The following ARHGAP20 variants were observed in gnomAD, a reference collection of about 807,000 sequenced individuals.
The protein encoded by ARHGAP20 is Rho GTPase activating protein 20.
In ARHGAP20, 34 loss-of-function variants were observed where a neutral mutation model predicts 73.7. The observed-to-expected ratio is 0.46, with a 90% CI of 0.35 to 0.61. ARHGAP20 has a LOEUF of 0.61. Ranked by LOEUF, ARHGAP20 falls within the 20% of genes least tolerant of loss-of-function variation. The pLI is 0.00. For synonymous variants in ARHGAP20, 523 were observed against 518.2 expected (o/e 1.01, Z -0.13); for missense variants, 1,314 against 1,420.9 (o/e 0.92, Z 1.21).
intron 9 of ARHGAP20, among the ~76,000 whole-genome samples, chr11:110,594,234 A>G (rs1947897465): frequency 6.6e-6 from 1 of 152,158 alleles, no homozygotes; most frequent in African/African-American, 2.4e-5. Context: ...AATACAGCAA[A>G]TGCATCATCA....
chr11:110,678,062 A>G (rs7938499), intron 2 of ARHGAP20, among the ~76,000 whole-genome samples: 19,484 of 152,250 alleles, frequency 0.13, 2,023 homozygotes, highest in African/African-American at 0.29. Flanking sequence ...ATGCTACAAC[A>G]TGGATGAACC....
chr11:110,711,947 C>A, intron 1 of ARHGAP20, 180 bp downstream of exon 1: 3 of 1,251,658 alleles, frequency 2.4e-6, no homozygotes, highest in Non-Finnish European at 3.0e-6. Context: ...GAGGCGGCGG[C>A]GCTGCCGCTG....
rs1947361566 is a variant in ARHGAP20 at position 110,579,081 on chromosome 11, A to C, written c.*289T>G. 7 of 1,042,490 alleles carry C rather than the reference A, an allele frequency of 6.7e-6. No individual in the cohort carries two copies. Among genetic ancestry groups the C allele is most frequent in the South Asian group, 8.0e-5 (2 of 25,136 alleles). 64.6% of individuals were successfully genotyped at this position (1,042,490 alleles called of 1,614,324 possible). A position where few individuals can be genotyped will look rare whatever the true frequency, so the allele number is the denominator to read the frequency against. Reference sequence around the variant, plus strand: ...CTGTTCCCATAAGTGCTTCCTCTGCAGAAGATGCTTTCTCTAGCCCTCTGT... The same window carrying C: ...CTGTTCCCATAAGTGCTTCCTCTGCCGAAGATGCTTTCTCTAGCCCTCTGT... On this transcript the variant is annotated 3_prime_UTR_variant, in exon 15 of 15. Transcript: ENST00000683387.
At chr11:110,704,830 G>A (rs1277201682) in intron 1 of ARHGAP20, among the ~76,000 whole-genome samples, 3 of 152,050 alleles carry the variant, frequency 2.0e-5, no homozygotes, top group East Asian at 1.9e-4. Flanking sequence ...CAGAACAGGC[G>A]AGCAACTTTC....
intron 9 of ARHGAP20, among the ~76,000 whole-genome samples, chr11:110,601,862 C>T (rs965469166): frequency 4.0e-5 from 6 of 151,812 alleles, no homozygotes; most frequent in South Asian, 4.2e-4. Flanking sequence ...TGGTGGCAGG[C>T]GCCTGTAATC....
intron 9 of ARHGAP20, among the ~76,000 whole-genome samples, chr11:110,605,654 A>G (rs76960685): frequency 2.0e-3 from 307 of 152,342 alleles, no homozygotes; most frequent in Non-Finnish European, 3.6e-3. Context: ...CATTAATGCT[A>G]TGTCAGTTGA....
At chr11:110,588,170 T>A (rs1373520459) in intron 11 of ARHGAP20, among the ~76,000 whole-genome samples, 5 of 152,150 alleles carry the variant, frequency 3.3e-5, no homozygotes, top group Non-Finnish European at 5.9e-5. Flanking sequence ...ACCACCATCA[T>A]CACAGCTGAG....
Position 110,580,562 on chromosome 11 carries a change from T to G in ARHGAP20, c.2384A>C (p.Lys795Thr). ...CACAGAAATGGCCACTGGCTTAGAC[T>G]TAGGGAAAAGTTTCACGTGATTTCC... is the stretch of plus-strand genomic sequence containing the variant. ...SEGNHVKLFPKSKPVAISVAS... is the reference protein window; with the variant it reads ...SEGNHVKLFPTSKPVAISVAS... The change falls in exon 15 of 15, where the codon AAG becomes ACG. Residue 795 changes from lysine to threonine, a missense_variant. Lys to Thr is a moderately conservative substitution (Grantham distance 78). Coordinates refer to ENST00000683387, the MANE Select transcript of ARHGAP20 (RefSeq NM_001384657.1). The G allele has an allele frequency of 6.2e-7, 1 of 1,614,248 alleles. No individual in the cohort carries two copies. Among genetic ancestry groups the G allele is most frequent in the Non-Finnish European group, 8.5e-7 (1 of 1,180,048 alleles).
intron 2 of ARHGAP20, among the ~76,000 whole-genome samples, chr11:110,679,427 T>A (rs1949994879): frequency 6.6e-6 from 1 of 152,116 alleles, no homozygotes; most frequent in South Asian, 2.1e-4. Flanking sequence ...AACGACATGA[T>A]AACAAGTAGA....
At chr11:110,622,065 T>C (rs1948640772) in intron 4 of ARHGAP20, among the ~76,000 whole-genome samples, 1 of 152,224 alleles carries the variant, frequency 6.6e-6, no homozygotes. Flanking sequence ...TTGGAGCTTC[T>C]CTTCTCTGCT....
At chr11:110,710,778 G>C (rs1223776583) in intron 1 of ARHGAP20, among the ~76,000 whole-genome samples, 2 of 152,106 alleles carry the variant, frequency 1.3e-5, no homozygotes, top group Non-Finnish European at 2.9e-5. Flanking sequence ...TTCTATACTC[G>C]GCACACCGAT....
intron 2 of ARHGAP20, among the ~76,000 whole-genome samples, chr11:110,682,204 G>A (rs182506344): frequency 6.6e-6 from 1 of 152,242 alleles, no homozygotes; most frequent in Non-Finnish European, 1.5e-5. Context: ...TCTTCAAAGA[G>A]TCTCTCTATG....
intron 13 of ARHGAP20, 144 bp downstream of exon 13, chr11:110,583,404 T>A (rs1947527456): frequency 1.4e-6 from 1 of 698,658 alleles, no homozygotes; most frequent in Admixed American, 3.3e-5. Context: ...CAATTCACTT[T>A]CCTATAGTCT....
chr11:110,665,654 T>G (rs568252123), intron 2 of ARHGAP20, among the ~76,000 whole-genome samples: 11 of 152,242 alleles, frequency 7.2e-5, no homozygotes, highest in South Asian at 6.2e-4. Context: ...ACAGAGTGCC[T>G]TGAGAAAAGA....
intron 2 of ARHGAP20, among the ~76,000 whole-genome samples, chr11:110,660,911 G>A (rs1949596335): frequency 6.6e-6 from 1 of 152,040 alleles, no homozygotes; most frequent in Admixed American, 6.6e-5. Context: ...GTAACCTTAG[G>A]CATCCAATCT....
intron 2 of ARHGAP20, among the ~76,000 whole-genome samples, chr11:110,635,371 GC>G (rs1211963953): frequency 1.3e-5 from 2 of 152,102 alleles, no homozygotes; most frequent in Non-Finnish European, 2.9e-5. Flanking sequence ...AGTTTAACAA[GC>G]CAGTCAGGTG....
At chr11:110,583,382 T>C (rs1947526554) in intron 13 of ARHGAP20, among the ~76,000 whole-genome samples, 166 bp downstream of exon 13, 1 of 152,226 alleles carries the variant, frequency 6.6e-6, no homozygotes, top group East Asian at 1.9e-4. Flanking sequence ...TCTGCTATCA[T>C]TTTCTACTTA....
intron 2 of ARHGAP20, among the ~76,000 whole-genome samples, chr11:110,660,652 CCT>C (rs1949588663): frequency 6.6e-6 from 1 of 152,178 alleles, no homozygotes; most frequent in South Asian, 2.1e-4. Context: ...AATATCCTGA[CCT>C]CTCCGCAAAG....
intron 1 of ARHGAP20, among the ~76,000 whole-genome samples, chr11:110,710,374 G>C (rs565611536): frequency 1.3e-5 from 2 of 151,732 alleles, no homozygotes; most frequent in Non-Finnish European, 2.9e-5. Context: ...AGTATTACTT[G>C]ATAAATGATA....
Sources: allele counts gnomAD v4.1 joint callset (sites outside exome capture counted in the v4.1 genomes callset), GRCh38; gene constraint gnomAD v4.1.1; transcripts MANE v1.5; gene names NCBI Gene and HGNC (gene_info 2026-07-23, HGNC 2026-07-21).